IGSF11: variants seen among roughly 807,000 people sequenced by gnomAD.
IGSF11 encodes the protein CXADR like 1.
Under a neutral mutation model 41.0 loss-of-function variants are expected in IGSF11, and 22 were observed. The observed-to-expected ratio is 0.54, with a 90% CI of 0.38 to 0.77. The LOEUF (loss-of-function observed/expected upper bound fraction) is 0.77, where lower values mean the gene tolerates loss of function less well. IGSF11 is among the 30% of genes least tolerant of loss of function. The probability of loss-of-function intolerance (pLI) is 0.00; values close to 1 mark genes in which losing one functional copy is unlikely to be tolerated. For synonymous variants in IGSF11, 219 were observed against 201.3 expected (o/e 1.09, Z -0.74); for missense variants, 444 against 530.8 (o/e 0.84, Z 1.61).
intron 1 of IGSF11, among the ~76,000 whole-genome samples, chr3:118,957,069 C>G (rs927417387): frequency 6.6e-5 from 10 of 152,020 alleles, no homozygotes; most frequent in African/African-American, 2.4e-4. Context: ...GGGTGTAACT[C>G]AGTCCAAATC....
chr3:119,097,546 T>G (rs2076873720), intron 1 of IGSF11, among the ~76,000 whole-genome samples: 2 of 151,328 alleles, frequency 1.3e-5, no homozygotes, highest in African/African-American at 2.4e-5. Context: ...GGTGGCGAGG[T>G]AGAGAGAGAG....
At chr3:118,950,706 A>C (rs1156638436) in intron 1 of IGSF11, among the ~76,000 whole-genome samples, 1 of 152,120 alleles carries the variant, frequency 6.6e-6, no homozygotes, top group African/African-American at 2.4e-5. Flanking sequence ...GGCAAAACTA[A>C]AAGTATGGTG....
At chr3:118,984,178 A>T (rs578071721) in intron 1 of IGSF11, among the ~76,000 whole-genome samples, 4 of 152,214 alleles carry the variant, frequency 2.6e-5, no homozygotes, top group South Asian at 4.1e-4. Context: ...AATTCAAAAA[A>T]AAAAAAACAG....
intron 4 of IGSF11, among the ~76,000 whole-genome samples, chr3:118,921,475 T>C (rs1941792641): frequency 2.0e-5 from 3 of 152,180 alleles, no homozygotes; most frequent in African/African-American, 7.2e-5. Flanking sequence ...TAAAACTTCA[T>C]AAGAGAATAA....
At chr3:119,039,499 C>T (rs1226482187), upstream of IGSF11, among the ~76,000 whole-genome samples, 1 of 152,172 alleles carries the variant, frequency 6.6e-6, no homozygotes, top group Non-Finnish European at 1.5e-5. Context: ...GAACAGCATC[C>T]ATCAGCAACG....
chr3:119,007,205 C>T (rs1937555289), intron 1 of IGSF11, among the ~76,000 whole-genome samples: 2 of 146,688 alleles, frequency 1.4e-5, no homozygotes, highest in African/African-American at 2.6e-5. Context: ...GCGCAATATT[C>T]GGGTGGGAGT....
intron 4 of IGSF11, among the ~76,000 whole-genome samples, chr3:118,921,576 A>C (rs886922285): frequency 1.3e-5 from 2 of 152,120 alleles, no homozygotes; most frequent in African/African-American, 4.8e-5. Flanking sequence ...TTCAGTCTTC[A>C]TCCAACCATA....
intron 1 of IGSF11, among the ~76,000 whole-genome samples, chr3:119,017,927 T>C (rs906326206): frequency 5.3e-5 from 8 of 151,800 alleles, no homozygotes; most frequent in Non-Finnish European, 1.2e-4. Flanking sequence ...GGATTACAGG[T>C]ATGCGCCACC....
intron 1 of IGSF11, among the ~76,000 whole-genome samples, chr3:119,032,420 C>A (rs547665890): frequency 5.9e-4 from 90 of 152,322 alleles, no homozygotes; most frequent in Admixed American, 1.1e-3. Flanking sequence ...AACTGTTCAT[C>A]CTCTTCCCCG....
At chr3:118,913,929 G>T (rs751150994) in intron 4 of IGSF11, among the ~76,000 whole-genome samples, 2 of 152,128 alleles carry the variant, frequency 1.3e-5, no homozygotes, top group African/African-American at 4.8e-5. Flanking sequence ...TGGACTGAAT[G>T]AAAAGGTCCA....
At chr3:118,938,094 T>C (rs866311528) in intron 1 of IGSF11, among the ~76,000 whole-genome samples, 3 of 152,182 alleles carry the variant, frequency 2.0e-5, no homozygotes, top group Non-Finnish European at 4.4e-5. Flanking sequence ...CATATGTGTG[T>C]GTATACATGC....
At chr3:119,056,458 T>G (rs550202614) in intron 1 of IGSF11, among the ~76,000 whole-genome samples, 1 of 152,102 alleles carries the variant, frequency 6.6e-6, no homozygotes, top group South Asian at 2.1e-4. Flanking sequence ...AATAACAGGA[T>G]GTGAAATTGA....
In IGSF11 at chr3:118,930,156, T is replaced by C. The variant is rs1942722822; in HGVS notation, c.172A>G (p.Ile58Val). 6.2e-7 allele frequency: 1 copy of C among 1,613,696 alleles called. No individual in the cohort carries two copies. Among genetic ancestry groups the C allele is most frequent in the African/African-American group, 1.3e-5 (1 of 74,870 alleles). ...TSAALINLNV[I>V]WMVTPLSNAN... is the part of the protein sequence containing the mutation. ...TTGGAGAGAGGAGTGACCATCCAAATGACATTGAGGTTAATGAGGGCAGCG... is the reference window on the plus strand; with the variant it reads ...TTGGAGAGAGGAGTGACCATCCAAACGACATTGAGGTTAATGAGGGCAGCG... Residue 58 changes from isoleucine (I) to valine (V), a missense_variant, in exon 2 of 7, where the codon ATT becomes GTT. Physicochemically the swap from Ile to Val is conservative, Grantham distance 29. Coordinates refer to ENST00000393775, the MANE Select transcript of IGSF11 (RefSeq NM_001015887.3).
At chr3:119,054,284 T>A (rs1310303361) in intron 1 of IGSF11, among the ~76,000 whole-genome samples, 1 of 151,870 alleles carries the variant, frequency 6.6e-6, no homozygotes, top group African/African-American at 2.4e-5. Flanking sequence ...AAACTATGTA[T>A]CCAACAAAGA....
At chr3:118,929,163 T>C (rs1223150552) in intron 2 of IGSF11, among the ~76,000 whole-genome samples, 1 of 152,232 alleles carries the variant, frequency 6.6e-6, no homozygotes, top group Non-Finnish European at 1.5e-5. Context: ...ATTACTGTTC[T>C]TATGTCAGCC....
At chr3:119,056,354 A>G (rs1274828818) in intron 1 of IGSF11, among the ~76,000 whole-genome samples, 1 of 152,242 alleles carries the variant, frequency 6.6e-6, no homozygotes, top group Non-Finnish European at 1.5e-5. Flanking sequence ...CTCTATGCAA[A>G]TAAACTAGAA....
intron 1 of IGSF11, among the ~76,000 whole-genome samples, chr3:119,044,363 G>A (rs1941236108): frequency 6.6e-6 from 1 of 151,632 alleles, no homozygotes; most frequent in Admixed American, 6.6e-5. Flanking sequence ...CAAGGGTAAA[G>A]AAAAAAAGAA....
At position 118,902,801 on chromosome 3, in the gene IGSF11, T is replaced by C. The variant is rs1412112431; in HGVS notation, c.1015A>G (p.Ser339Gly). The C allele has an allele frequency of 1.7e-5, 28 of 1,614,078 alleles. No homozygotes were observed. The highest frequency in any genetic ancestry group is 2.2e-5 in the Non-Finnish European group (26 of 1,180,024). Residue 339 changes from serine to glycine, a missense_variant, in exon 7 of 7, where the codon AGT becomes GGT. This residue lies in a region of IGSF11 where 223 missense variants were observed against 226.2 expected (regional missense o/e 0.99). Coordinates refer to ENST00000393775, the MANE Select transcript of IGSF11 (RefSeq NM_001015887.3). ...AAAGAGAAAGATTGGCCCAAGTCAC[T>C]GAAGTGGCTGACTGACTCTGTGTTT... Reference protein sequence around the residue: ...HRNTESVSHFSDLGQSFSFHS... With the variant: ...HRNTESVSHFGDLGQSFSFHS...
chr3:119,075,753 A>T (rs2076483863), intron 1 of IGSF11, among the ~76,000 whole-genome samples: 1 of 152,214 alleles, frequency 6.6e-6, no homozygotes, highest in African/African-American at 2.4e-5. Flanking sequence ...TAGATGCACA[A>T]AAAGCTTTTT....
Sources: gnomAD v4.1 joint callset for allele counts (sites outside exome capture counted in the v4.1 genomes callset) on GRCh38, gnomAD v4.1.1 for gene constraint, gnomAD v4.1.1 regional missense constraint, MANE v1.5 for transcripts, NCBI Gene and HGNC (gene_info 2026-07-23, HGNC 2026-07-21) for gene names.